CDK12: variants seen among roughly 807,000 people sequenced by gnomAD.
CDK12 encodes the protein cyclin-dependent kinase 12.
In CDK12, 17 loss-of-function variants were observed where a neutral mutation model predicts 133.8. The ratio of observed to expected loss-of-function variants is 0.13; its 90% CI spans 0.09 to 0.19. CDK12 has a LOEUF of 0.19. Ranked by LOEUF, CDK12 falls within the 10% of genes least tolerant of loss-of-function variation. The pLI, the probability that CDK12 is intolerant of heterozygous loss-of-function variation, is 1.00. For missense variants in CDK12, 1,508 were observed against 1,818.7 expected, an observed-to-expected ratio of 0.83 and a Z score of 3.11; for synonymous variants, 694 against 683.6, an observed-to-expected ratio of 1.02 and a Z score of -0.24.
chr17:39,526,953 A>C (rs1275842809), intron 13 of CDK12, among the ~76,000 whole-genome samples: 1 of 152,234 alleles, frequency 6.6e-6, no homozygotes, highest in African/African-American at 2.4e-5. Flanking sequence ...ATAAAGAAAA[A>C]AAAGGAAAAT....
At chr17:39,543,537 TAGAA>T (rs1366213885), upstream of CDK12, among the ~76,000 whole-genome samples, 1 of 152,168 alleles carries the variant, frequency 6.6e-6, no homozygotes, top group Non-Finnish European at 1.5e-5. Flanking sequence ...TTGGGCAGAT[TAGAA>T]AGAGTTAATG....
At chr17:39,474,781 C>CTTTTTT (rs893347738) in intron 2 of CDK12, among the ~76,000 whole-genome samples, 4 of 94,130 alleles carry the variant, frequency 4.2e-5, no homozygotes, top group African/African-American at 1.8e-4. Context: ...ATGATGTTTC[C>CTTTTTT]TTTTTTTTTT....
At chr17:39,521,255 C>T (rs757948258) in intron 11 of CDK12, among the ~76,000 whole-genome samples, 2 of 151,694 alleles carry the variant, frequency 1.3e-5, no homozygotes, top group African/African-American at 4.8e-5. Flanking sequence ...TGTGAGCCAC[C>T]GTGCCTGGCC....
intron 2 of CDK12, among the ~76,000 whole-genome samples, chr17:39,476,104 A>G (rs1035283572): frequency 1.3e-5 from 2 of 151,858 alleles, no homozygotes; most frequent in Non-Finnish European, 2.9e-5. Flanking sequence ...TTAGGAAACA[A>G]AAAGCATCTT....
chr17:39,527,035 CT>C (rs2054537320), intron 13 of CDK12, among the ~76,000 whole-genome samples: 1 of 152,174 alleles, frequency 6.6e-6, no homozygotes, highest in Admixed American at 6.5e-5. Context: ...AGTTTAAGTT[CT>C]TTAATTCTGA....
Position 39,524,847 on chromosome 17 carries a change from C to A in CDK12, c.3269C>A (p.Ala1090Asp). Reference sequence around the variant, plus strand: ...AGCAGCCCAGCACCACCTCAGCCTGCTCCTGGCAAGGTGGAGTCTGGGGCT... The same window carrying A: ...AGCAGCCCAGCACCACCTCAGCCTGATCCTGGCAAGGTGGAGTCTGGGGCT... ...KNSSPAPPQP[A>D]PGKVESGAGD... The change falls in exon 12 of 14, where the codon GCT (alanine) becomes GAT (aspartate). Residue 1090 changes from alanine to aspartate, a missense_variant. Transcript: ENST00000447079. 1 of 1,614,150 alleles carries A rather than the reference C, an allele frequency of 6.2e-7. No homozygotes were observed.
intron 1 of CDK12, among the ~76,000 whole-genome samples, chr17:39,468,055 G>A (rs765036715): frequency 6.6e-6 from 1 of 151,730 alleles, no homozygotes; most frequent in Non-Finnish European, 1.5e-5. Flanking sequence ...CACCATGCCC[G>A]GCTAATTTTT....
At chr17:39,530,470 G>T in intron 13 of CDK12, 134 bp from the exon 14 acceptor site, 1 of 1,305,612 alleles carries the variant, frequency 7.7e-7, no homozygotes. Flanking sequence ...GCAATTTTCT[G>T]ATCCCAAGAT....
Position 39,471,667 on chromosome 17 carries a change from A to T in CDK12, c.1835A>T (p.Gln612Leu), listed in dbSNP as rs2049806264. The T allele has an allele frequency of 6.2e-7, 1 of 1,613,886 alleles. No individual in the cohort carries two copies. Among genetic ancestry groups the T allele is most frequent in the African/African-American group, 1.3e-5 (1 of 74,900 alleles). ...QPPVQVSVKT[Q>L]VSVTAAIPHL... ...CCTGTACAGGTTTCTGTGAAGACTCAAGTATCTGTAACAGCTGCTATTCCA... is the reference window on the plus strand; with the variant it reads ...CCTGTACAGGTTTCTGTGAAGACTCTAGTATCTGTAACAGCTGCTATTCCA... The change falls in exon 2 of 14, where the codon CAA becomes CTA. Residue 612 changes from glutamine to leucine, a missense_variant. Around this residue, in one of 9 missense-constraint regions of CDK12, gnomAD observed 347 missense variants for 330.8 expected, o/e 1.05. Transcript: ENST00000447079.
chr17:39,498,448 C>A (rs1272333254), intron 5 of CDK12, among the ~76,000 whole-genome samples: 1 of 152,148 alleles, frequency 6.6e-6, no homozygotes, highest in Admixed American at 6.6e-5. Flanking sequence ...GTTTCAAACT[C>A]CTGACCTCAA....
intron 4 of CDK12, among the ~76,000 whole-genome samples, 174 bp downstream of exon 4, chr17:39,493,064 C>T (rs2051764762): frequency 6.6e-6 from 1 of 151,954 alleles, no homozygotes; most frequent in Non-Finnish European, 1.5e-5. Context: ...GCAGTCTCAA[C>T]TCACTGCAAG....
chr17:39,495,335 C>G (rs2051995050), intron 5 of CDK12, among the ~76,000 whole-genome samples: 1 of 151,218 alleles, frequency 6.6e-6, no homozygotes. Context: ...GCCTCGGCCC[C>G]TCGAAGTGCT....
At chr17:39,507,312 C>T (rs1044984232) in intron 6 of CDK12, among the ~76,000 whole-genome samples, 2 of 151,374 alleles carry the variant, frequency 1.3e-5, no homozygotes, top group African/African-American at 2.4e-5. Flanking sequence ...AGCGGCCGGG[C>T]GCGGTGGCTC....
At chr17:39,524,925 T>C in intron 12 of CDK12, 40 bp downstream of exon 12, 1 of 1,550,364 alleles carries the variant, frequency 6.5e-7, no homozygotes, top group South Asian at 1.2e-5. Flanking sequence ...TTGCTAAGCG[T>C]ATTTGGCAGG....
chr17:39,492,045 G>A, intron 3 of CDK12, among the ~76,000 whole-genome samples: 1 of 147,602 alleles, frequency 6.8e-6, no homozygotes. Context: ...ACAGGAGTTA[G>A]TGAAATCATC....
chr17:39,523,195 C>G (rs1360108810), intron 11 of CDK12, among the ~76,000 whole-genome samples: 1 of 152,046 alleles, frequency 6.6e-6, no homozygotes, highest in Non-Finnish European at 1.5e-5. Context: ...TTTATCTGGC[C>G]TGGCACGGTG....
chr17:39,470,305 TA>T (rs574908313), intron 1 of CDK12, among the ~76,000 whole-genome samples: 132 of 152,036 alleles, frequency 8.7e-4, no homozygotes, highest in African/African-American at 3.0e-3. Context: ...TATTTTTTAG[TA>T]GAGATGCGGT....
intron 2 of CDK12, among the ~76,000 whole-genome samples, chr17:39,551,410 C>G (rs1189326813): frequency 6.6e-6 from 1 of 152,074 alleles, no homozygotes; most frequent in Non-Finnish European, 1.5e-5. Flanking sequence ...CTTATAAGAT[C>G]TACAGGGAAG....
chr17:39,565,537 G>A (rs1393158532), downstream of CDK12, among the ~76,000 whole-genome samples: 1 of 151,270 alleles, frequency 6.6e-6, no homozygotes, highest in African/African-American at 2.4e-5. Context: ...AGGTTCAAGC[G>A]ATTCTTCTGC....
Sources: allele counts gnomAD v4.1 joint callset (sites outside exome capture counted in the v4.1 genomes callset), GRCh38; gene constraint gnomAD v4.1.1; regional missense constraint gnomAD v4.1.1; transcripts MANE v1.5; gene names NCBI Gene and HGNC (gene_info 2026-07-23, HGNC 2026-07-21).